SPNS3: variants seen among roughly 807,000 people sequenced by gnomAD.
The protein encoded by SPNS3 is protein spinster homolog 3.
A neutral mutation model predicts 54.4 loss-of-function variants in SPNS3; 51 were observed. The observed-to-expected ratio is 0.94, with a 90% confidence interval of 0.75 to 1.18. The LOEUF is 1.18. Among genes scored for constraint, SPNS3 ranks in the 50% most tolerant of loss-of-function variants. SPNS3 has a pLI of 0.00. For missense variants in SPNS3, 669 were observed against 677.4 expected, an observed-to-expected ratio of 0.99 and a Z score of 0.14; for synonymous variants, 309 against 294.7, an observed-to-expected ratio of 1.05 and a Z score of -0.50.
chr17:4,450,230 C>T (rs1971120999), intron 7 of SPNS3, among the ~76,000 whole-genome samples: 1 of 151,674 alleles, frequency 6.6e-6, no homozygotes, highest in East Asian at 1.9e-4. Context: ...GCACCCACGC[C>T]TACCTTCTCC....
intron 9 of SPNS3, among the ~76,000 whole-genome samples, chr17:4,481,268 G>C (rs1377269177): frequency 2.6e-5 from 4 of 151,982 alleles, no homozygotes; most frequent in Non-Finnish European, 5.9e-5. Context: ...GTGGAATCCA[G>C]CACTGGGGGA....
At chr17:4,477,256 A>T (rs1370441666) in intron 8 of SPNS3, among the ~76,000 whole-genome samples, 1 of 152,190 alleles carries the variant, frequency 6.6e-6, no homozygotes, top group Non-Finnish European at 1.5e-5. Context: ...CGTCTGCCTT[A>T]CAGGGCACCT....
intron 7 of SPNS3, among the ~76,000 whole-genome samples, chr17:4,450,150 G>C (rs1464936134): frequency 6.6e-6 from 1 of 151,572 alleles, no homozygotes; most frequent in African/African-American, 2.4e-5. Context: ...GGGGCTCCTG[G>C]GGATGCTATC....
chr17:4,459,888 C>T lies in SPNS3; in HGVS notation c.1113+6683C>T, dbSNP rs564568784. Among the ~76,000 whole-genome samples the T allele has an allele frequency of 2.1e-3, 321 of 151,842 alleles. 3 individuals are homozygous for T. Among genetic ancestry groups the T allele is most frequent in the Non-Finnish European group, 2.0e-3 (139 of 67,988 alleles). On this transcript the variant is annotated intron_variant, in intron 8 of 11. Transcript: ENST00000355530. ...AGAGTATTTCAGATAATAATAAAGG[C>T]TTAGGAGAGAAGTATTGTTGGGAAG...
chr17:4,455,992 T>A (rs892582940), intron 8 of SPNS3, among the ~76,000 whole-genome samples: 3 of 152,122 alleles, frequency 2.0e-5, no homozygotes, highest in African/African-American at 4.8e-5. Context: ...ATTTATTAAC[T>A]TTTTTAGAGA....
chr17:4,449,197 C>T (rs759339912), intron 6 of SPNS3, 38 bp from the exon 7 acceptor site: 17 of 1,601,620 alleles, frequency 1.1e-5, no homozygotes, highest in Admixed American at 1.7e-5. Context: ...TCAGCCCCAG[C>T]CCTCTCCCAA....
chr17:4,477,841 C>T (rs565488910), intron 8 of SPNS3, among the ~76,000 whole-genome samples: 7 of 152,214 alleles, frequency 4.6e-5, no homozygotes, highest in Non-Finnish European at 7.4e-5. Flanking sequence ...GGGCTGGGCA[C>T]GCTGGCTGGC....
Position 4,453,027 on chromosome 17 carries a change from G to A in SPNS3, c.935G>A (p.Gly312Glu). 1 of 1,613,354 alleles carries A rather than the reference G, an allele frequency of 6.2e-7. No homozygotes were observed. The highest frequency in any genetic ancestry group is 8.5e-7 in the Non-Finnish European group (1 of 1,179,548). The change falls in exon 8 of 12, where the codon GGG becomes GAG. Residue 312 changes from glycine to glutamate, a missense_variant. Physicochemically the swap from Gly to Glu is moderately conservative, Grantham distance 98. Transcript: ENST00000355530. Reference protein sequence around the residue: ...PCSNPDSLIFGALTIMTGVIG... With the variant: ...PCSNPDSLIFEALTIMTGVIG... ...CTCTTCCCCATCAGCCTGATTTTTG[G>A]GGCACTGACCATCATGACCGGCGTC...
At chr17:4,481,135 A>G (rs180755125) in intron 9 of SPNS3, among the ~76,000 whole-genome samples, 3 of 152,018 alleles carry the variant, frequency 2.0e-5, no homozygotes, top group East Asian at 1.9e-4. Flanking sequence ...TGGTAGCTGG[A>G]GTTGGCAGAA....
At chr17:4,439,050 C>T (rs762502016) in intron 1 of SPNS3, among the ~76,000 whole-genome samples, 2 of 151,590 alleles carry the variant, frequency 1.3e-5, no homozygotes, top group African/African-American at 2.4e-5. Context: ...GGGAAGGAGC[C>T]GTGTGGCTGC....
At chr17:4,441,534 A>C (rs988702896) in intron 2 of SPNS3, among the ~76,000 whole-genome samples, 2 of 152,198 alleles carry the variant, frequency 1.3e-5, no homozygotes, top group Admixed American at 1.3e-4. Context: ...TTCAACACCC[A>C]CAACCTTCTC....
At chr17:4,485,283 G>A (rs935773053) in intron 9 of SPNS3, 2 of 152,226 alleles carry the variant, frequency 1.3e-5, no homozygotes, top group African/African-American at 4.8e-5. Flanking sequence ...ACCCCCACTT[G>A]GGGATGGAGA....
intron 8 of SPNS3, among the ~76,000 whole-genome samples, chr17:4,454,718 T>C (rs572931771): frequency 6.8e-6 from 1 of 146,818 alleles, no homozygotes; most frequent in Non-Finnish European, 1.5e-5. Context: ...CCTCCTGGGT[T>C]CAAGTGATTC....
At chr17:4,478,121 GCCACCACACCCTGC>G (rs1409637431) in intron 8 of SPNS3, among the ~76,000 whole-genome samples, 2 of 151,718 alleles carry the variant, frequency 1.3e-5, no homozygotes, top group Non-Finnish European at 2.9e-5. Context: ...ACAGGTGTGA[GCCACCACACCCTGC>G]TAATTTTTGT....
At chr17:4,476,951 C>T (rs1273307151) in intron 8 of SPNS3, among the ~76,000 whole-genome samples, 2 of 152,232 alleles carry the variant, frequency 1.3e-5, no homozygotes, top group South Asian at 2.1e-4. Context: ...CCCCGGCTGG[C>T]GTGGTCTTGT....
chr17:4,468,192 G>A (rs1433847140), intron 8 of SPNS3, among the ~76,000 whole-genome samples: 1 of 152,158 alleles, frequency 6.6e-6, no homozygotes, highest in Non-Finnish European at 1.5e-5. Context: ...TGTCATCCTA[G>A]CACGTTGGGC....
In SPNS3 at chr17:4,445,186, T is replaced by C. The variant is rs771949691; in HGVS notation, c.402+18T>C. The C allele has an allele frequency of 6.3e-7, 1 of 1,598,098 alleles. No homozygotes were observed. Among genetic ancestry groups the C allele is most frequent in the South Asian group, 1.1e-5 (1 of 89,830 alleles). The stretch of plus-strand genomic sequence containing the variant: ...CCCCCCGGGTACGTGTCCATGCCCC[T>C]GTCCAGGCCCCTGAGGCCCCTTCCC... On this transcript the variant is annotated intron_variant, in intron 3 of 11. Transcript: ENST00000355530.
chr17:4,441,413 A>G (rs1342849275), intron 2 of SPNS3, among the ~76,000 whole-genome samples: 1 of 152,172 alleles, frequency 6.6e-6, no homozygotes, highest in African/African-American at 2.4e-5. Flanking sequence ...TTAGAAGATC[A>G]TGGCTTTAGA....
At chr17:4,435,887 G>C (rs928173238) in intron 1 of SPNS3, among the ~76,000 whole-genome samples, 1 of 152,012 alleles carries the variant, frequency 6.6e-6, no homozygotes, top group Non-Finnish European at 1.5e-5. Context: ...AGCTGAGATC[G>C]TGCCACTGCA....
Sources: gnomAD v4.1 joint callset for allele counts (sites outside exome capture counted in the v4.1 genomes callset) on GRCh38, gnomAD v4.1.1 for gene constraint, MANE v1.5 for transcripts, NCBI Gene and HGNC (gene_info 2026-07-23, HGNC 2026-07-21) for gene names.